The following COL14A1 variants were observed in gnomAD, a reference collection of about 807,000 sequenced individuals.
COL14A1 encodes collagen type XIV alpha 1 chain.
In COL14A1, 136 loss-of-function variants were observed where a neutral mutation model predicts 230.3. That is an observed-to-expected ratio of 0.59 (90% CI 0.51 to 0.68). The LOEUF is 0.68. COL14A1 is among the 30% of genes least tolerant of loss of function. The pLI is 0.00. For missense variants in COL14A1, 1,976 were observed against 2,215.8 expected (o/e 0.89, Z 2.17); for synonymous variants, 792 against 784.1 (o/e 1.01, Z -0.17).
chr8:120,124,943 G>C (rs1048582588), upstream of COL14A1, among the ~76,000 whole-genome samples: 6 of 152,202 alleles, frequency 3.9e-5, no homozygotes, highest in Admixed American at 1.3e-4. Context: ...TGAGCGGCAC[G>C]GGGCTGGCTT....
At chr8:120,194,751 C>T (rs774964799) in intron 5 of COL14A1, among the ~76,000 whole-genome samples, 34 of 152,094 alleles carry the variant, frequency 2.2e-4, no homozygotes, top group Admixed American at 3.9e-4. Flanking sequence ...AATAATATCC[C>T]CAGTAGTTTT....
At chr8:120,173,831 A>G (rs1041311051) in intron 5 of COL14A1, among the ~76,000 whole-genome samples, 1 of 152,166 alleles carries the variant, frequency 6.6e-6, no homozygotes, top group Admixed American at 6.6e-5. Flanking sequence ...ATCTACTCAT[A>G]TGGTCAATCA....
At chr8:120,181,775 A>G (rs1816471549) in intron 5 of COL14A1, among the ~76,000 whole-genome samples, 1 of 152,140 alleles carries the variant, frequency 6.6e-6, no homozygotes, top group Non-Finnish European at 1.5e-5. Flanking sequence ...TCTTTTTGAA[A>G]CATAGACCCC....
At position 120,345,472 on chromosome 8, in the gene COL14A1, AG is replaced by A; in HGVS notation, c.4988del (p.Gly1663AlafsTer32). On this transcript the variant is annotated frameshift_variant, in exon 45 of 48. Transcript: ENST00000297848. LOFTEE classifies it high-confidence loss of function. ...GGCCTCCTGGGGAGCCTGGGAGGCCAGGCTCACCTGGAGCCCCTGGTGAACA... is the reference window on the plus strand; with the variant it reads ...GGCCTCCTGGGGAGCCTGGGAGGCCAGCTCACCTGGAGCCCCTGGTGAACA... ...QGPPGEPGRP[G>X]SPGAPGEQGP... is the part of the protein sequence containing the mutation. 1 of 1,603,566 alleles carries A rather than the reference AG, an allele frequency of 6.2e-7. No homozygotes were observed. Among genetic ancestry groups the A allele is most frequent in the Non-Finnish European group, 8.5e-7 (1 of 1,175,340 alleles).
chr8:120,196,648 G>A (rs1415152897), intron 5 of COL14A1, 143 bp from the exon 6 acceptor site: 7 of 751,242 alleles, frequency 9.3e-6, no homozygotes, highest in East Asian at 5.5e-5. Flanking sequence ...ATACATTTAA[G>A]GGAAGAGTTG....
intron 9 of COL14A1, among the ~76,000 whole-genome samples, chr8:120,206,362 T>C (rs10955961): frequency 0.55 from 82,999 of 151,896 alleles, 23,563 homozygotes; most frequent in African/African-American, 0.68. Context: ...TGTTTGTTTG[T>C]TTTTTGGAGG....
intron 45 of COL14A1, among the ~76,000 whole-genome samples, chr8:120,350,889 A>G (rs1457008165): frequency 6.6e-6 from 1 of 151,472 alleles, no homozygotes; most frequent in African/African-American, 2.4e-5. Flanking sequence ...AAGCGGACCT[A>G]ATAGACATCT....
Position 120,289,724 on chromosome 8 carries a change from G to A in COL14A1, c.4194G>A (p.Gly1398=). 6.2e-7 allele frequency: 1 copy of A among 1,613,936 alleles called. No homozygotes were observed. The highest frequency in any genetic ancestry group is 8.5e-7 in the Non-Finnish European group (1 of 1,179,894). The change falls in exon 34 of 48, where the codon GGG becomes GGA. Residue 1398 remains glycine (G), a synonymous_variant. Coordinates refer to ENST00000297848, the MANE Select transcript of COL14A1 (RefSeq NM_021110.4). ...NITSDGVEVL[G]KMVRSRGPGG... ...CGTCAGATGGTGTAGAAGTGCTAGG[G>A]AAAATGGTTCGATCAAGAGGACCAG... is the stretch of plus-strand genomic sequence containing the variant.
At chr8:120,304,435 AT>A (rs1820801207) in intron 36 of COL14A1, among the ~76,000 whole-genome samples, 1 of 152,176 alleles carries the variant, frequency 6.6e-6, no homozygotes, top group Admixed American at 6.5e-5. Context: ...AGATTCTGGT[AT>A]GTTGTACCTT....
chr8:120,147,116 G>A (rs912484311), intron 1 of COL14A1, among the ~76,000 whole-genome samples: 2 of 149,928 alleles, frequency 1.3e-5, no homozygotes, highest in African/African-American at 2.5e-5. Flanking sequence ...TTATAGATAC[G>A]TAATAATTAT....
chr8:120,300,939 C>A, intron 36 of COL14A1, 121 bp downstream of exon 36: 2 of 749,536 alleles, frequency 2.7e-6, no homozygotes. Flanking sequence ...TGTAGGAATG[C>A]AGTGAGACAC....
intron 11 of COL14A1, among the ~76,000 whole-genome samples, 156 bp downstream of exon 11, chr8:120,208,517 G>C (rs1351518795): frequency 1.3e-5 from 2 of 152,052 alleles, no homozygotes; most frequent in African/African-American, 4.8e-5. Context: ...TGTGATACTG[G>C]TCCATGCTTG....
At chr8:120,318,796 G>T (rs1445254246) in intron 40 of COL14A1, among the ~76,000 whole-genome samples, 1 of 152,150 alleles carries the variant, frequency 6.6e-6, no homozygotes, top group Non-Finnish European at 1.5e-5. Context: ...GAGAGCAAAC[G>T]CAGGATGATG....
intron 45 of COL14A1, among the ~76,000 whole-genome samples, chr8:120,353,602 A>G (rs62528270): frequency 0.46 from 69,338 of 149,308 alleles, 16,710 homozygotes; most frequent in African/African-American, 0.62. Flanking sequence ...ACACCTCTCA[A>G]AAGAAGACAT....
intron 44 of COL14A1, among the ~76,000 whole-genome samples, chr8:120,344,171 A>G (rs1027667090): frequency 6.6e-6 from 1 of 152,220 alleles, no homozygotes; most frequent in African/African-American, 2.4e-5. Flanking sequence ...AAGGAAATCA[A>G]AAAGGTTGTA....
chr8:120,359,823 A>G (rs1823127070), intron 45 of COL14A1, among the ~76,000 whole-genome samples: 1 of 152,160 alleles, frequency 6.6e-6, no homozygotes, highest in African/African-American at 2.4e-5. Flanking sequence ...GTCAACCTGC[A>G]GACTACAGTA....
rs1278202375 is a variant in COL14A1 at position 120,291,149 on chromosome 8, A to G, written c.4236+1383A>G. Among the ~76,000 whole-genome samples the G allele has an allele frequency of 5.9e-5, 9 of 152,204 alleles. No individual in the cohort carries two copies. The South Asian group carries it at 8.3e-4, about 14-fold the overall frequency. ...CTTCTGCTTAATGGAGGATACTCCT[A>G]TGATAGTACATGAAGGAATTTATAA... On this transcript the variant is annotated intron_variant, in intron 34 of 47. Coordinates refer to ENST00000297848, the MANE Select transcript of COL14A1 (RefSeq NM_021110.4).
rs1820660522 is a variant in COL14A1, at chr8:120,299,989, T to C, written c.4315-743T>C. Among the ~76,000 whole-genome samples the C allele has an allele frequency of 3.9e-5, 6 of 152,154 alleles. No homozygotes were observed. The South Asian group carries it at 1.2e-3, about 31-fold the overall frequency. On this transcript the variant is annotated intron_variant, in intron 35 of 47. Transcript: ENST00000297848. ...GTATTTTATCCCAGTGCTGAGCTCA[T>C]TTTGGCTGCTGCTCTAAATGGGATA... is the stretch of plus-strand genomic sequence containing the variant.
intron 1 of COL14A1, among the ~76,000 whole-genome samples, chr8:120,128,684 G>C (rs74488171): frequency 2.6e-5 from 4 of 152,100 alleles, no homozygotes; most frequent in Non-Finnish European, 4.4e-5. Context: ...AATTCTGAGC[G>C]TTCTTTAAGT....
Sources: allele counts gnomAD v4.1 joint callset (sites outside exome capture counted in the v4.1 genomes callset), GRCh38; gene constraint gnomAD v4.1.1; transcripts MANE v1.5; gene names NCBI Gene and HGNC (gene_info 2026-07-23, HGNC 2026-07-21).